Variants in MRTFB observed in about 807,000 individuals in gnomAD.
MRTFB encodes the protein myocardin-related transcription factor B.
Under a neutral mutation model 104.2 loss-of-function variants are expected in MRTFB, and 29 were observed. The ratio of observed to expected loss-of-function variants is 0.28; its 90% CI spans 0.21 to 0.38. MRTFB has a LOEUF of 0.38. MRTFB is among the 10% of genes least tolerant of loss of function. The pLI is 1.00. For synonymous variants in MRTFB, 535 were observed against 519.5 expected (o/e 1.03, Z -0.41); for missense variants, 1,270 against 1,341.6 (o/e 0.95, Z 0.83).
chr16:14,247,585 T>C, intron 12 of MRTFB, 78 bp downstream of exon 12: 1 of 1,334,718 alleles, frequency 7.5e-7, no homozygotes, highest in Non-Finnish European at 1.0e-6. Flanking sequence ...GCACCATACC[T>C]GAGCTCTTCC....
At chr16:14,252,229 C>T (rs1010576117) in intron 14 of MRTFB, 136 bp from the exon 15 acceptor site, 2 of 1,380,964 alleles carry the variant, frequency 1.4e-6, no homozygotes, top group African/African-American at 1.4e-5. Context: ...CTGTCAGCCT[C>T]ACAGGTGCTT....
chr16:14,161,599 A>G (rs1339113563), intron 3 of MRTFB, among the ~76,000 whole-genome samples: 1 of 152,200 alleles, frequency 6.6e-6, no homozygotes, highest in Non-Finnish European at 1.5e-5. Context: ...ATTGCATTAT[A>G]TTTACATTAA....
rs780048102 is a variant in MRTFB, at chr16:14,218,885, G to A, written c.580G>A (p.Ala194Thr). The A allele has an allele frequency of 3.7e-6, 6 of 1,614,036 alleles. No individual in the cohort carries two copies. The highest frequency in any genetic ancestry group is 2.7e-5 in the African/African-American group (2 of 75,014). Residue 194 changes from alanine (A) to threonine (T), a missense_variant, in exon 8 of 17, where the codon GCT becomes ACT. This residue lies in a region of MRTFB where 1,144 missense variants were observed against 1,131.5 expected (regional missense o/e 1.01). Coordinates refer to ENST00000571589, the MANE Select transcript of MRTFB (RefSeq NM_001308142.2). ...CTCATTTGATGAAGACAGCAGTGACGCTTTGTCTCCGGACCAGCCTGCGAG... is the reference window on the plus strand; with the variant it reads ...CTCATTTGATGAAGACAGCAGTGACACTTTGTCTCCGGACCAGCCTGCGAG... ...DFSFDEDSSD[A>T]LSPDQPASQE...
At chr16:14,155,243 A>G (rs1183394625) in intron 3 of MRTFB, among the ~76,000 whole-genome samples, 1 of 151,810 alleles carries the variant, frequency 6.6e-6, no homozygotes, top group Non-Finnish European at 1.5e-5. Context: ...TAAAATGCAT[A>G]TCTAATATGC....
chr16:14,095,904 A>G (rs1448060201), intron 2 of MRTFB, among the ~76,000 whole-genome samples: 1 of 152,188 alleles, frequency 6.6e-6, no homozygotes, highest in African/African-American at 2.4e-5. Flanking sequence ...AGTGCTTACA[A>G]GTAGTGTCTA....
intron 3 of MRTFB, among the ~76,000 whole-genome samples, chr16:14,175,982 T>C (rs1216043748): frequency 6.6e-6 from 1 of 152,246 alleles, no homozygotes; most frequent in Non-Finnish European, 1.5e-5. Flanking sequence ...ATAAATCTTT[T>C]AGGAATGATG....
intron 2 of MRTFB, among the ~76,000 whole-genome samples, chr16:14,123,290 G>A (rs2036945688): frequency 6.9e-6 from 1 of 145,570 alleles, no homozygotes; most frequent in South Asian, 2.2e-4. Context: ...AAGCTCTTTA[G>A]TTTAATTAGA....
At chr16:14,152,972 CAAGTA>C (rs2038688407) in intron 3 of MRTFB, 1 of 152,050 alleles carries the variant, frequency 6.6e-6, no homozygotes, top group Admixed American at 6.6e-5. Context: ...GGGACACAGG[CAAGTA>C]AATTGATTTA....
the MRTFB span, chr16:14,016,003 T>C: frequency 2.5e-6 from 1 of 398,544 alleles, no homozygotes; most frequent in Non-Finnish European, 4.4e-6. Context: ...CGTCTACTTC[T>C]GCCTCTACCC....
chr16:14,068,788 T>C (rs893893760), upstream of MRTFB, among the ~76,000 whole-genome samples: 2 of 152,058 alleles, frequency 1.3e-5, no homozygotes, highest in African/African-American at 2.4e-5. Flanking sequence ...TGTGTGGGTG[T>C]TGCCAGAAGA....
intron 3 of MRTFB, among the ~76,000 whole-genome samples, chr16:14,158,984 A>C (rs1031970529): frequency 6.6e-6 from 1 of 151,840 alleles, no homozygotes; most frequent in South Asian, 2.1e-4. Flanking sequence ...AAAAAAAAAA[A>C]AAAAAAAAAA....
chr16:14,144,674 G>A (rs952520996), intron 3 of MRTFB: 3 of 151,930 alleles, frequency 2.0e-5, no homozygotes, highest in Admixed American at 1.3e-4. Flanking sequence ...TTTTTGCCGG[G>A]CGCAGTGGCT....
chr16:14,024,158 A>G, the MRTFB span, among the ~76,000 whole-genome samples: 9 of 152,256 alleles, frequency 5.9e-5, no homozygotes, highest in African/African-American at 2.2e-4. Context: ...TGTTGTTCAC[A>G]GCCCTTCTTA....
intron 2 of MRTFB, among the ~76,000 whole-genome samples, chr16:14,106,956 T>G (rs2036012136): frequency 6.6e-6 from 1 of 152,220 alleles, no homozygotes; most frequent in African/African-American, 2.4e-5. Flanking sequence ...AGTAGTAGTA[T>G]TGCTTGTGTG....
chr16:14,210,152 G>T, intron 3 of MRTFB, 91 bp from the exon 4 acceptor site: 1 of 908,994 alleles, frequency 1.1e-6, no homozygotes. Context: ...GAAGATGCTT[G>T]ATAAAGCTTA....
the MRTFB span, among the ~76,000 whole-genome samples, chr16:14,013,911 G>A: frequency 7.9e-5 from 12 of 152,308 alleles, no homozygotes; most frequent in African/African-American, 2.9e-4. Flanking sequence ...CCTCCAGCAT[G>A]TGAAGTCCAC....
chr16:14,105,521 C>T (rs149593897), intron 2 of MRTFB, among the ~76,000 whole-genome samples: 70 of 152,114 alleles, frequency 4.6e-4, no homozygotes, highest in African/African-American at 1.6e-3. Flanking sequence ...CCTCAGCCTC[C>T]CGAGTAGCTG....
the MRTFB span, among the ~76,000 whole-genome samples, chr16:14,062,297 G>A: frequency 2.6e-5 from 4 of 151,832 alleles, no homozygotes; most frequent in Non-Finnish European, 5.9e-5. Flanking sequence ...TGAGGGTCTC[G>A]CTATGTTGCC....
intron 3 of MRTFB, among the ~76,000 whole-genome samples, chr16:14,176,363 G>A (rs1039966045): frequency 2.0e-5 from 3 of 152,158 alleles, no homozygotes; most frequent in African/African-American, 4.8e-5. Flanking sequence ...AAGGGGTTTC[G>A]GAAATATGAA....
Sources: allele counts gnomAD v4.1 joint callset (sites outside exome capture counted in the v4.1 genomes callset), GRCh38; gene constraint gnomAD v4.1.1; regional missense constraint gnomAD v4.1.1; transcripts MANE v1.5; gene names NCBI Gene and HGNC (gene_info 2026-07-23, HGNC 2026-07-21).